The following PHRF1 variants were observed in gnomAD, a reference collection of about 807,000 sequenced individuals.
PHRF1 encodes the protein PHD and RING finger domain-containing protein 1.
PHRF1 carries 53 observed loss-of-function variants against 128.9 expected under a neutral mutation model. The observed-to-expected ratio is 0.41, with a 90% CI of 0.33 to 0.52. The LOEUF (loss-of-function observed/expected upper bound fraction) is 0.52. Among genes scored for constraint, PHRF1 ranks in the 20% least tolerant of loss-of-function variants. The probability of loss-of-function intolerance (pLI) is 0.21; values close to 1 mark genes in which losing one functional copy is unlikely to be tolerated. For missense variants in PHRF1, 2,503 were observed against 2,284.5 expected, an observed-to-expected ratio of 1.10 and a Z score of -1.95; for synonymous variants, 1,178 against 980.6, an observed-to-expected ratio of 1.20 and a Z score of -3.76.
At position 608,436 on chromosome 11, in the gene PHRF1, C is replaced by A. The variant is rs760052093; in HGVS notation, c.2980C>A (p.Arg994Ser). 6.2e-6 allele frequency: 10 copies of A among 1,612,170 alleles called. No homozygotes were observed. The highest frequency in any genetic ancestry group is 4.4e-5 in the South Asian group (4 of 91,032). The change falls in exon 14 of 18, where the codon CGC (arginine) becomes AGC (serine). Residue 994 changes from arginine to serine, a missense_variant. Coordinates refer to ENST00000264555, the MANE Select transcript of PHRF1 (RefSeq NM_001286581.2). ...GGAGCTCAGGCCCCCTTCCCGGTCC[C>A]GCTCCACATCCAGCTCCCGCAGCAG... ...VVELRPPSRS[R>S]STSSSRSRKK...
rs770769350 is a variant in PHRF1, at chr11:597,043, A to G, written c.718+23A>G. The stretch of plus-strand genomic sequence containing the variant: ...CTGGTAAGGACACTGCTCCCGTCCC[A>G]AGGCGCACATGGGCCTTCTCACTGT... On this transcript the variant is annotated intron_variant, in intron 7 of 17. Transcript: ENST00000264555. This position sits in a 1 kb window ranked among gnomAD's most constrained non-coding sequence, Gnocchi z 6.5. 30 of 1,610,524 alleles carry G rather than the reference A, an allele frequency of 1.9e-5. No homozygotes were observed. The African/African-American group carries it at 4.0e-4, about 22-fold the overall frequency.
chr11:608,899 GGAA>G lies in PHRF1; in HGVS notation c.3445_3447del (p.Lys1149del). 6.2e-7 allele frequency: 1 copy of G among 1,612,260 alleles called. No homozygotes were observed. Among genetic ancestry groups the G allele is most frequent in the Non-Finnish European group, 8.5e-7 (1 of 1,179,778 alleles). ...GAACGCAGCCACGAGCGGCCAGACAGGAAGGAGAGTGTGGCGTGGCCCCGAGAC... is the reference window on the plus strand; with the variant it reads ...GAACGCAGCCACGAGCGGCCAGACAGGGAGAGTGTGGCGTGGCCCCGAGAC... On this transcript the variant is annotated inframe_deletion, in exon 14 of 18. Coordinates refer to ENST00000264555, the MANE Select transcript of PHRF1 (RefSeq NM_001286581.2).
intron 10 of PHRF1, among the ~76,000 whole-genome samples, chr11:604,859 C>G (rs1468162296): frequency 2.0e-5 from 3 of 152,178 alleles, no homozygotes; most frequent in East Asian, 3.8e-4. Context: ...TGTGAGTTTT[C>G]ACTTAATGCT....
intron 4 of PHRF1, among the ~76,000 whole-genome samples, chr11:589,042 A>G (rs547229085): frequency 2.0e-5 from 3 of 152,116 alleles, no homozygotes; most frequent in Non-Finnish European, 4.4e-5. Context: ...AGGCTGAGGC[A>G]GGAGAATCAC....
intron 4 of PHRF1, 109 bp downstream of exon 4, chr11:587,573 G>A (rs934652382): frequency 4.5e-5 from 50 of 1,119,714 alleles, no homozygotes; most frequent in Non-Finnish European, 5.5e-5. Flanking sequence ...TCTGCTCTGC[G>A]GCTGACCCTG....
chr11:597,632 T>TA lies in PHRF1; in HGVS notation c.894+62_894+63insA. On this transcript the variant is annotated intron_variant, in intron 8 of 17. Transcript: ENST00000264555. The surrounding 1 kb of genome is among the most constrained non-coding windows in gnomAD (Gnocchi z 6.5). The stretch of plus-strand genomic sequence containing the variant: ...CAGCTGCCCAGAGTGATCTCGGCAG[T>TA]CTGGGTGGGTGGGAGGGGCGTCGTC... 6.7e-7 allele frequency: 1 copy of TA among 1,497,144 alleles called. No individual in the cohort carries two copies. The highest frequency in any genetic ancestry group is 2.0e-5 in the Admixed American group (1 of 49,590). The allele number at this position is 1,497,144 out of a possible 1,614,324, so 92.7% of individuals were successfully genotyped here.
intron 3 of PHRF1, among the ~76,000 whole-genome samples, chr11:586,731 TGGCCCA>T (rs1854591017): frequency 6.6e-6 from 1 of 152,190 alleles, no homozygotes; most frequent in African/African-American, 2.4e-5. Flanking sequence ...TTGTGGTTAG[TGGCCCA>T]GTTAGGAGTC....
rs182471981 is a variant in PHRF1, at chr11:580,668, T to C, written c.-21-824T>C. Among the ~76,000 whole-genome samples the C allele has an allele frequency of 1.2e-3, 180 of 152,326 alleles. 1 individual carries two copies. The highest frequency in any genetic ancestry group is 1.9e-3 in the Non-Finnish European group (130 of 68,022). ...TCAGGATGAGGCCGTTTTGTTCGTATATGGTGTTGCGATTCCTCAGGAGCA... is the reference window on the plus strand; with the variant it reads ...TCAGGATGAGGCCGTTTTGTTCGTACATGGTGTTGCGATTCCTCAGGAGCA... On this transcript the variant is annotated intron_variant, in intron 1 of 17. Coordinates refer to ENST00000264555, the MANE Select transcript of PHRF1 (RefSeq NM_001286581.2).
chr11:578,945 G>C (rs911540140), intron 1 of PHRF1, among the ~76,000 whole-genome samples: 1 of 152,002 alleles, frequency 6.6e-6, no homozygotes, highest in Non-Finnish European at 1.5e-5. Flanking sequence ...CGCCTGCCAG[G>C]TTCAAGCAAT....
intron 3 of PHRF1, among the ~76,000 whole-genome samples, chr11:583,165 C>A (rs2134184428): frequency 6.6e-6 from 1 of 151,806 alleles, no homozygotes; most frequent in Admixed American, 6.6e-5. Context: ...ATGGTGAAAC[C>A]CCGTCTCTAC....
intron 6 of PHRF1, among the ~76,000 whole-genome samples, chr11:595,890 G>A (rs7112149): frequency 0.24 from 36,187 of 152,086 alleles, 4,642 homozygotes; most frequent in African/African-American, 0.32. Flanking sequence ...GCCCCCACCC[G>A]CCGCCCCCCT....
rs1159384960 is a variant in PHRF1, at chr11:609,109, C to T, written c.3653C>T (p.Thr1218Ile). Residue 1218 changes from threonine to isoleucine, a missense_variant, in exon 14 of 18, where the codon ACC becomes ATC. Thr to Ile is a moderately conservative substitution (Grantham distance 89, BLOSUM62 -1). Coordinates refer to ENST00000264555, the MANE Select transcript of PHRF1 (RefSeq NM_001286581.2). ...GAGCCAGGGCGGGAAGACCTCCCCA[C>T]CAGGTTGCCAGCCTTGGGGGAAGCA... The part of the protein sequence containing the change: ...QGEPGREDLP[T>I]RLPALGEAHV... 3 of 1,605,312 alleles carry T rather than the reference C, an allele frequency of 1.9e-6. No individual in the cohort carries two copies. Among genetic ancestry groups the T allele is most frequent in the African/African-American group, 1.3e-5 (1 of 74,874 alleles).
At chr11:599,255 T>A (rs868245723) in intron 9 of PHRF1, among the ~76,000 whole-genome samples, 1 of 82,022 alleles carries the variant, frequency 1.2e-5, no homozygotes, top group Admixed American at 1.2e-4. Context: ...TTTCTTTTCT[T>A]TTTTTTTTTT....
At position 591,384 on chromosome 11, in the gene PHRF1, A is replaced by T; in HGVS notation, c.421A>T (p.Asn141Tyr). Reference protein sequence around the residue: ...CLDCIVEWSKNANSCPVDRTL... With the variant: ...CLDCIVEWSKYANSCPVDRTL... ...CTGATCCTGTTTTTATTTCTCACAG[A>T]ATGCCAATTCCTGTCCAGTTGATCG... Residue 141 changes from asparagine to tyrosine, a missense_variant and splice_region_variant, in exon 5 of 18, where the codon AAT becomes TAT. Asn to Tyr is a moderately radical substitution (Grantham distance 143, BLOSUM62 -2). Coordinates refer to ENST00000264555, the MANE Select transcript of PHRF1 (RefSeq NM_001286581.2). 3 of 1,605,190 alleles carry T rather than the reference A, an allele frequency of 1.9e-6. No homozygotes were observed. The highest frequency in any genetic ancestry group is 2.6e-6 in the Non-Finnish European group (3 of 1,175,734).
At position 608,846 on chromosome 11, in the gene PHRF1, G is replaced by T. The variant is rs749514758; in HGVS notation, c.3390G>T (p.Glu1130Asp). Residue 1130 changes from glutamate to aspartate, a missense_variant, in exon 14 of 18, where the codon GAG (glutamate) becomes GAT (aspartate). Glu to Asp is a conservative substitution (Grantham distance 45, BLOSUM62 2). Coordinates refer to ENST00000264555, the MANE Select transcript of PHRF1 (RefSeq NM_001286581.2). ...AGTGCTCCCCCACCAGCAGCCTGGA[G>T]AGGCTCTGCAGGCACAAGCATCAGC... ...GRECSPTSSL[E>D]RLCRHKHQRE... The T allele has an allele frequency of 6.8e-6, 11 of 1,612,360 alleles. No individual in the cohort carries two copies. The highest frequency in any genetic ancestry group is 8.5e-6 in the Non-Finnish European group (10 of 1,179,824).
rs201189901 is a variant in PHRF1 at position 587,433 on chromosome 11, T to A, written c.389T>A (p.Phe130Tyr). 217 of 1,613,578 alleles carry A rather than the reference T, an allele frequency of 1.3e-4. No individual in the cohort carries two copies. Among genetic ancestry groups the A allele is most frequent in the Non-Finnish European group, 1.3e-4 (156 of 1,179,896 alleles). The change falls in exon 4 of 18, where the codon TTC (phenylalanine) becomes TAC (tyrosine). Residue 130 changes from phenylalanine (F) to tyrosine (Y), a missense_variant. By Grantham distance (22) the Phe-to-Tyr change is conservative (BLOSUM62 3). Transcript: ENST00000264555. ...ACGCCGGAGAACTGTGCCCATTACT[T>A]CTGCCTGGACTGCATTGTCGAATGG... The part of the protein sequence containing the change: ...VGTPENCAHY[F>Y]CLDCIVEWSK...
Position 594,909 on chromosome 11 carries a change from A to C in PHRF1, c.621-2014A>C, listed in dbSNP as rs74679147. Among the ~76,000 whole-genome samples the C allele has an allele frequency of 1.5e-3, 226 of 152,388 alleles. 6 individuals are homozygous for C. The East Asian group carries it at 0.031, about 21-fold the overall frequency. ...ACTTGGCAGATAAAACAACGCAAGT[A>C]CATAAAAACCCTGGTGGATCTAAAA... On this transcript the variant is annotated intron_variant, in intron 6 of 17. Transcript: ENST00000264555.
chr11:608,889 C>G lies in PHRF1; in HGVS notation c.3433C>G (p.Arg1145Gly). The change falls in exon 14 of 18, where the codon CGG (arginine) becomes GGG (glycine). Residue 1145 changes from arginine to glycine, a missense_variant. Physicochemically the swap from Arg to Gly is moderately radical, Grantham distance 125. Transcript: ENST00000264555. ...GCATCAGCGGGAACGCAGCCACGAG[C>G]GGCCAGACAGGAAGGAGAGTGTGGC... ...HKHQRERSHE[R>G]PDRKESVAWP... 6.2e-7 allele frequency: 1 copy of G among 1,612,172 alleles called. No homozygotes were observed. Among genetic ancestry groups the G allele is most frequent in the Non-Finnish European group, 8.5e-7 (1 of 1,179,762 alleles).
intron 3 of PHRF1, among the ~76,000 whole-genome samples, chr11:586,661 C>CT (rs144636218): frequency 0.01 from 1,549 of 152,126 alleles, 26 homozygotes; most frequent in African/African-American, 0.035. Flanking sequence ...CTCGGAGCAT[C>CT]TCCCTGCTCC....
Sources: allele counts gnomAD v4.1 joint callset (sites outside exome capture counted in the v4.1 genomes callset), GRCh38; gene constraint gnomAD v4.1.1; non-coding constraint Gnocchi (gnomAD v3.1); transcripts MANE v1.5; gene names NCBI Gene and HGNC (gene_info 2026-07-23, HGNC 2026-07-21).